Variants in PEAK1 observed in about 807,000 individuals in gnomAD.
The protein encoded by PEAK1 is pseudopodium enriched atypical kinase 1, also known as inactive tyrosine-protein kinase PEAK1.
A neutral mutation model predicts 124.7 loss-of-function variants in PEAK1; 54 were observed. The ratio of observed to expected loss-of-function variants is 0.43; its 90% CI spans 0.35 to 0.54. The LOEUF (loss-of-function observed/expected upper bound fraction) is 0.54. Among genes scored for constraint, PEAK1 ranks in the 20% least tolerant of loss-of-function variants. The pLI, the probability that PEAK1 is intolerant of heterozygous loss-of-function variation, is 0.01. For synonymous variants in PEAK1, 719 were observed against 760.0 expected, an observed-to-expected ratio of 0.95 and a Z score of 0.89; for missense variants, 2,046 against 2,134.5, an observed-to-expected ratio of 0.96 and a Z score of 0.82.
At chr15:77,408,233 T>C (rs1595873348) in intron 1 of PEAK1, among the ~76,000 whole-genome samples, 1 of 150,972 alleles carries the variant, frequency 6.6e-6, no homozygotes, top group African/African-American at 2.4e-5. Flanking sequence ...ATAATGGCAG[T>C]GGCAGCAACC....
Position 77,214,265 on chromosome 15 carries a change from T to A in PEAK1, c.-114-32225A>T, listed in dbSNP as rs770207852. Among the ~76,000 whole-genome samples, 4 of 152,150 alleles carry A rather than the reference T, an allele frequency of 2.6e-5. No individual in the cohort carries two copies. The South Asian group carries it at 6.3e-4, about 24-fold the overall frequency. On this transcript the variant is annotated intron_variant, in intron 6 of 9. Transcript: ENST00000682557. ...CATTTCAGTTGGGTAAATACCTTTG[T>A]ATCAGTCCATTCCTATACCTCTATA...
intron 2 of PEAK1, among the ~76,000 whole-genome samples, chr15:77,315,051 A>T (rs567038635): frequency 6.6e-6 from 1 of 152,300 alleles, no homozygotes; most frequent in East Asian, 1.9e-4. Context: ...AATCTAAAAT[A>T]AAAATCGAAA....
intron 6 of PEAK1, among the ~76,000 whole-genome samples, chr15:77,189,655 G>A (rs544114311): frequency 6.6e-6 from 1 of 152,310 alleles, no homozygotes; most frequent in South Asian, 2.1e-4. Flanking sequence ...AGAGTGTTGA[G>A]GAAGTAATAT....
At chr15:77,157,940 C>T (rs946264025) in intron 8 of PEAK1, 31 of 152,528 alleles carry the variant, frequency 2.0e-4, no homozygotes, top group African/African-American at 7.5e-4. Context: ...TTTGATGGCT[C>T]ACTAACATAA....
At chr15:77,403,668 T>C (rs1466397682) in intron 1 of PEAK1, 6 of 890,336 alleles carry the variant, frequency 6.7e-6, no homozygotes, top group Non-Finnish European at 8.1e-6. Context: ...CCCCTTTAGT[T>C]TCCATTCATC....
intron 7 of PEAK1, among the ~76,000 whole-genome samples, chr15:77,168,375 T>C (rs573545074): frequency 4.6e-5 from 7 of 152,142 alleles, no homozygotes; most frequent in Non-Finnish European, 8.8e-5. Flanking sequence ...AAATCTGATA[T>C]TATGGCTTAC....
chr15:77,353,460 C>T (rs1397805739), intron 2 of PEAK1, among the ~76,000 whole-genome samples: 2 of 152,074 alleles, frequency 1.3e-5, no homozygotes, highest in African/African-American at 2.4e-5. Context: ...CGAAGCTGGA[C>T]CCTGGCTTGA....
intron 2 of PEAK1, chr15:77,337,483 GA>G: frequency 2.0e-6 from 2 of 984,106 alleles, no homozygotes; most frequent in Non-Finnish European, 2.4e-6. Context: ...AGATTAATCT[GA>G]ATTCATCATC....
chr15:77,322,701 C>A (rs374101585), intron 2 of PEAK1, among the ~76,000 whole-genome samples: 1 of 152,176 alleles, frequency 6.6e-6, no homozygotes, highest in African/African-American at 2.4e-5. Context: ...ACCAGAGGTA[C>A]AAGGAGGAGC....
At chr15:77,369,669 T>G (rs2068509923) in intron 1 of PEAK1, among the ~76,000 whole-genome samples, 1 of 152,226 alleles carries the variant, frequency 6.6e-6, no homozygotes, top group Non-Finnish European at 1.5e-5. Context: ...TGCTGACTTC[T>G]GAACTAAATA....
chr15:77,334,992 C>T (rs909501146), intron 2 of PEAK1: 15 of 985,260 alleles, frequency 1.5e-5, no homozygotes, highest in Non-Finnish European at 1.7e-5. Context: ...GCAATCTGAA[C>T]AGGGTTTGAG....
chr15:77,290,607 T>C (rs1597133529), intron 2 of PEAK1, among the ~76,000 whole-genome samples: 1 of 151,686 alleles, frequency 6.6e-6, no homozygotes, highest in East Asian at 2.0e-4. Flanking sequence ...TGGAGGGCAG[T>C]GGCGTGACCA....
intron 8 of PEAK1, among the ~76,000 whole-genome samples, chr15:77,141,690 T>C (rs148658235): frequency 6.6e-6 from 1 of 152,260 alleles, no homozygotes; most frequent in East Asian, 1.9e-4. Flanking sequence ...TATAGATGAA[T>C]GAAATATATT....
chr15:77,275,546 T>C (rs919489508), intron 5 of PEAK1, among the ~76,000 whole-genome samples: 1 of 151,792 alleles, frequency 6.6e-6, no homozygotes, highest in African/African-American at 2.4e-5. Flanking sequence ...TGAAATCCCA[T>C]CTCTACTAAA....
At chr15:77,291,106 G>A (rs2152979266) in intron 2 of PEAK1, among the ~76,000 whole-genome samples, 1 of 152,306 alleles carries the variant, frequency 6.6e-6, no homozygotes, top group Middle Eastern at 3.4e-3. Context: ...ATGATGGCTT[G>A]TCCTTGACTT....
At chr15:77,409,297 T>A (rs755719287) in intron 1 of PEAK1, among the ~76,000 whole-genome samples, 1 of 152,258 alleles carries the variant, frequency 6.6e-6, no homozygotes, top group African/African-American at 2.4e-5. Context: ...CACATGATAC[T>A]ATGCTTCAGG....
intron 5 of PEAK1, chr15:77,278,397 G>A (rs1046167521): frequency 9.6e-6 from 3 of 313,318 alleles, no homozygotes; most frequent in Non-Finnish European, 1.2e-5. Flanking sequence ...AGAAGAAGCA[G>A]GGAGAACGAC....
chr15:77,401,770 G>A (rs2071394994), intron 1 of PEAK1: 1 of 984,866 alleles, frequency 1.0e-6, no homozygotes. Context: ...AGCTTTTGCT[G>A]ATCTGTATTG....
chr15:77,141,659 G>A (rs976886054), intron 8 of PEAK1, among the ~76,000 whole-genome samples: 13 of 152,122 alleles, frequency 8.5e-5, no homozygotes, highest in Non-Finnish European at 1.8e-4. Context: ...AGAGTACGTG[G>A]TACTGGCGTA....
Sources: gnomAD v4.1 joint callset for allele counts (sites outside exome capture counted in the v4.1 genomes callset) on GRCh38, gnomAD v4.1.1 for gene constraint, MANE v1.5 for transcripts, NCBI Gene and HGNC (gene_info 2026-07-23, HGNC 2026-07-21) for gene names.